RAB3GAP2: variants seen among roughly 807,000 people sequenced by gnomAD.
RAB3GAP2 encodes the protein rab3 GTPase-activating protein non-catalytic subunit.
Under a neutral mutation model 185.3 loss-of-function variants are expected in RAB3GAP2, and 87 were observed. That is an observed-to-expected ratio of 0.47 (90% CI 0.39 to 0.56). The LOEUF (loss-of-function observed/expected upper bound fraction) is 0.56. RAB3GAP2 is among the 20% of genes least tolerant of loss of function. The pLI is 0.00. For synonymous variants in RAB3GAP2, 554 were observed against 576.1 expected (o/e 0.96, Z 0.55); for missense variants, 1,492 against 1,638.2 (o/e 0.91, Z 1.54).
intron 1 of RAB3GAP2, among the ~76,000 whole-genome samples, chr1:220,238,233 T>C (rs1391976912): frequency 6.6e-6 from 1 of 152,158 alleles, no homozygotes; most frequent in Non-Finnish European, 1.5e-5. Context: ...TTTGTAGAGA[T>C]GAAGCCTTGC....
intron 1 of RAB3GAP2, among the ~76,000 whole-genome samples, chr1:220,252,250 A>T (rs558617291): frequency 6.6e-6 from 1 of 151,822 alleles, no homozygotes; most frequent in Non-Finnish European, 1.5e-5. Context: ...TAGATATTAT[A>T]TAATATATAA....
chr1:220,217,260 C>A (rs892831019), intron 2 of RAB3GAP2, among the ~76,000 whole-genome samples: 22 of 152,154 alleles, frequency 1.4e-4, no homozygotes, highest in African/African-American at 5.3e-4. Context: ...TCAGTGAAAA[C>A]CCTTTTCTCC....
intron 30 of RAB3GAP2, 46 bp downstream of exon 30, chr1:220,157,756 G>T: frequency 6.9e-7 from 1 of 1,455,180 alleles, no homozygotes; most frequent in East Asian, 2.3e-5. Flanking sequence ...TGCAGAATAT[G>T]TAATATCTTA....
intron 9 of RAB3GAP2, among the ~76,000 whole-genome samples, chr1:220,199,814 T>A (rs1335127299): frequency 2.0e-5 from 3 of 152,116 alleles, no homozygotes; most frequent in Non-Finnish European, 4.4e-5. Flanking sequence ...CCTGAGCAAG[T>A]ACAAAAGGTA....
chr1:220,172,642 A>T lies in RAB3GAP2; in HGVS notation c.2411T>A (p.Met804Lys). The T allele has an allele frequency of 6.2e-7, 1 of 1,603,952 alleles. No individual in the cohort carries two copies. Among genetic ancestry groups the T allele is most frequent in the Non-Finnish European group, 8.5e-7 (1 of 1,170,708 alleles). Residue 804 changes from methionine to lysine, a missense_variant, in exon 22 of 35, where the codon ATG (methionine) becomes AAG (lysine). Met to Lys is a moderately conservative substitution (Grantham distance 95, BLOSUM62 -1). Around this residue, in one of 5 missense-constraint regions of RAB3GAP2, gnomAD observed 681 missense variants for 689.1 expected, o/e 0.99. Transcript: ENST00000358951. ...GAGCAACAAACTTTGTTTACCTTTCATCTTGCTCAGGAGGGACAGCATGGT... is the reference window on the plus strand; with the variant it reads ...GAGCAACAAACTTTGTTTACCTTTCTTCTTGCTCAGGAGGGACAGCATGGT... ...LHTMLSLLSK[M>K]KVAIDETWDS...
At chr1:220,242,000 C>T (rs1659705273) in intron 1 of RAB3GAP2, among the ~76,000 whole-genome samples, 1 of 151,864 alleles carries the variant, frequency 6.6e-6, no homozygotes, top group Non-Finnish European at 1.5e-5. Context: ...TCTAGAGAAA[C>T]CAATTCTATA....
At chr1:220,157,551 C>T (rs1000668551) in intron 30 of RAB3GAP2, 63 bp from the exon 31 acceptor site, 12 of 1,527,064 alleles carry the variant, frequency 7.9e-6, no homozygotes, top group African/African-American at 1.4e-5. Flanking sequence ...TACAAATATC[C>T]CAATGAGTTT....
intron 31 of RAB3GAP2, among the ~76,000 whole-genome samples, chr1:220,155,452 A>G (rs1207179392): frequency 6.6e-6 from 1 of 152,210 alleles, no homozygotes; most frequent in Non-Finnish European, 1.5e-5. Flanking sequence ...AGAAGTATTT[A>G]AAGATTTAGC....
intron 24 of RAB3GAP2, among the ~76,000 whole-genome samples, chr1:220,169,926 C>A (rs940330799): frequency 6.6e-6 from 1 of 152,096 alleles, no homozygotes; most frequent in African/African-American, 2.4e-5. Context: ...TGGGTATATA[C>A]CCGAAGGATT....
At chr1:220,211,036 C>T in intron 4 of RAB3GAP2, 34 bp from the exon 5 acceptor site, 1 of 1,587,772 alleles carries the variant, frequency 6.3e-7, no homozygotes. Context: ...TGCTTACCCA[C>T]TGAACTTACC....
At chr1:220,171,862 A>G (rs1658184056) in intron 23 of RAB3GAP2, 27 bp downstream of exon 23, 1 of 1,614,068 alleles carries the variant, frequency 6.2e-7, no homozygotes, top group Non-Finnish European at 8.5e-7. Context: ...ATGTGTACAG[A>G]TCAAAGCCAT....
intron 1 of RAB3GAP2, among the ~76,000 whole-genome samples, chr1:220,247,584 T>C (rs1659843836): frequency 1.3e-5 from 2 of 152,128 alleles, no homozygotes. Context: ...TAATGAACTC[T>C]GAGGACTCGA....
At chr1:220,225,470 T>A (rs146986754) in intron 2 of RAB3GAP2, among the ~76,000 whole-genome samples, 417 of 152,274 alleles carry the variant, frequency 2.7e-3, no homozygotes, top group Non-Finnish European at 4.1e-3. Flanking sequence ...GAAAATCCTT[T>A]GTTCTGTGCA....
At chr1:220,216,596 G>A (rs1455548137) in intron 2 of RAB3GAP2, among the ~76,000 whole-genome samples, 1 of 152,152 alleles carries the variant, frequency 6.6e-6, no homozygotes, top group African/African-American at 2.4e-5. Flanking sequence ...GAGCTTAGAA[G>A]AGGACAGCTT....
intron 31 of RAB3GAP2, among the ~76,000 whole-genome samples, chr1:220,155,929 T>C (rs1657847827): frequency 6.6e-6 from 1 of 152,152 alleles, no homozygotes; most frequent in Non-Finnish European, 1.5e-5. Flanking sequence ...TTCTCAAAGA[T>C]ATACTAACTC....
At chr1:220,197,557 A>G (rs1223392446) in intron 9 of RAB3GAP2, among the ~76,000 whole-genome samples, 1 of 152,166 alleles carries the variant, frequency 6.6e-6, no homozygotes, top group African/African-American at 2.4e-5. Flanking sequence ...ATAGTCATGA[A>G]TGAATCCATG....
intron 1 of RAB3GAP2, among the ~76,000 whole-genome samples, chr1:220,269,171 G>C (rs1390186359): frequency 1.3e-5 from 2 of 152,218 alleles, no homozygotes; most frequent in Non-Finnish European, 2.9e-5. Flanking sequence ...GCTGAGACTT[G>C]AATGACAAGA....
At chr1:220,182,024 ACTCT>A (rs144942455) in intron 21 of RAB3GAP2, among the ~76,000 whole-genome samples, 7 of 150,532 alleles carry the variant, frequency 4.7e-5, no homozygotes, top group Non-Finnish European at 7.4e-5. Context: ...ACAGAGCAAG[ACTCT>A]CTCTCTCTCT....
Position 220,153,285 on chromosome 1 carries a change from G to C in RAB3GAP2, c.3767C>G (p.Ala1256Gly). 6.2e-7 allele frequency: 1 copy of C among 1,614,172 alleles called. No individual in the cohort carries two copies. Among genetic ancestry groups the C allele is most frequent in the South Asian group, 1.1e-5 (1 of 91,084 alleles). The change falls in exon 33 of 35, where the codon GCT becomes GGT. Residue 1256 changes from alanine (A) to glycine (G), a missense_variant. Transcript: ENST00000358951. ...FGKDQDWPAL[A>G]VDLAHHLQVS... ...TTGAAGGTGATGGGCTAAATCCACA[G>C]CTAGAGCTGGCCAATCTTGGTCTTT...
Sources: allele counts gnomAD v4.1 joint callset (sites outside exome capture counted in the v4.1 genomes callset), GRCh38; gene constraint gnomAD v4.1.1; regional missense constraint gnomAD v4.1.1; transcripts MANE v1.5; gene names NCBI Gene and HGNC (gene_info 2026-07-23, HGNC 2026-07-21).